Variants in XKR6 observed in about 807,000 individuals in gnomAD.
XKR6 encodes the protein XK-related protein 6.
XKR6 carries 22 observed loss-of-function variants against 56.7 expected under a neutral mutation model. The ratio of observed to expected loss-of-function variants is 0.39; its 90% CI spans 0.28 to 0.55. The LOEUF (loss-of-function observed/expected upper bound fraction) is 0.55, where lower values mean the gene tolerates loss of function less well. XKR6 is among the 20% of genes least tolerant of loss of function. The pLI, the probability that XKR6 is intolerant of heterozygous loss-of-function variation, is 0.66. For synonymous variants in XKR6, 524 were observed against 387.8 expected (o/e 1.35, Z -4.13); for missense variants, 852 against 889.0 (o/e 0.96, Z 0.53).
At chr8:11,113,572 GA>G (rs1169832707) in intron 1 of XKR6, among the ~76,000 whole-genome samples, 4 of 151,624 alleles carry the variant, frequency 2.6e-5, no homozygotes, top group East Asian at 1.9e-4. Flanking sequence ...CTTTAACATA[GA>G]AAAAAAAGTT....
At chr8:11,117,374 A>G (rs1188692138) in intron 1 of XKR6, among the ~76,000 whole-genome samples, 1 of 152,182 alleles carries the variant, frequency 6.6e-6, no homozygotes, top group Non-Finnish European at 1.5e-5. Flanking sequence ...GAGTCCTGCA[A>G]CTTCACATAT....
chr8:10,964,521 A>G (rs1802159235), intron 1 of XKR6, among the ~76,000 whole-genome samples: 1 of 152,160 alleles, frequency 6.6e-6, no homozygotes, highest in African/African-American at 2.4e-5. Flanking sequence ...CACCCAGAGC[A>G]TATTGGGGTC....
rs946483421 is a variant in XKR6 at position 11,160,664 on chromosome 8, C to A, written c.764+39912G>T. Among the ~76,000 whole-genome samples, 3 of 152,248 alleles carry A rather than the reference C, an allele frequency of 2.0e-5. No individual in the cohort carries two copies. In the South Asian group the frequency reaches 6.2e-4, roughly 32 times the overall value. On this transcript the variant is annotated intron_variant, in intron 1 of 2. Transcript: ENST00000416569. ...GTGGCTCACGCCTGTAAACCCAGCA[C>A]TTTGCAAGGCCAAGGCGGGTGGATC...
chr8:11,073,413 G>A (rs774011641), intron 1 of XKR6, among the ~76,000 whole-genome samples: 3 of 152,136 alleles, frequency 2.0e-5, no homozygotes. Context: ...AGGAGAAGAA[G>A]ACCTGTATAT....
intron 1 of XKR6, among the ~76,000 whole-genome samples, chr8:11,076,984 T>C (rs189528387): frequency 4.2e-4 from 64 of 152,206 alleles, no homozygotes; most frequent in Non-Finnish European, 6.2e-4. Context: ...GAGACAAGCC[T>C]AGGAAGCACA....
intron 2 of XKR6, among the ~76,000 whole-genome samples, chr8:10,902,941 G>T (rs1217740421): frequency 2.0e-5 from 3 of 152,112 alleles, no homozygotes; most frequent in Non-Finnish European, 2.9e-5. Context: ...CAAGGCTCTG[G>T]GCACATTTTT....
chr8:11,103,067 CACTA>C (rs1798544400), intron 1 of XKR6, among the ~76,000 whole-genome samples: 1 of 152,170 alleles, frequency 6.6e-6, no homozygotes, highest in Non-Finnish European at 1.5e-5. Context: ...TTATACATAA[CACTA>C]GTGTAAGATG....
chr8:11,098,315 C>A (rs1296140787), intron 1 of XKR6, among the ~76,000 whole-genome samples: 1 of 152,090 alleles, frequency 6.6e-6, no homozygotes, highest in Non-Finnish European at 1.5e-5. Flanking sequence ...AGTTTGAGGA[C>A]TGAGCTGGAG....
intron 1 of XKR6, among the ~76,000 whole-genome samples, chr8:11,116,649 G>A (rs1045310441): frequency 1.3e-5 from 2 of 152,122 alleles, no homozygotes; most frequent in East Asian, 3.9e-4. Flanking sequence ...GGGATTACAG[G>A]CAGGAGCCAC....
At chr8:11,096,963 C>T (rs1293864161) in intron 1 of XKR6, among the ~76,000 whole-genome samples, 1 of 152,220 alleles carries the variant, frequency 6.6e-6, no homozygotes, top group Non-Finnish European at 1.5e-5. Flanking sequence ...ATATGATTTG[C>T]ACATCCTTTG....
chr8:11,063,292 T>A lies in XKR6; in HGVS notation c.764+137284A>T, dbSNP rs939514096. 3.3e-5 allele frequency among the ~76,000 whole-genome samples: 5 copies of A among 149,648 alleles called. No homozygotes were observed. In the East Asian group the frequency reaches 9.8e-4, roughly 29 times the overall value. ...CTAATAAAGAAAAACAAATCAAAGT[T>A]AAAAAAATGTAAAGAAAGAACAAAA... On this transcript the variant is annotated intron_variant, in intron 1 of 2. Coordinates refer to ENST00000416569, the MANE Select transcript of XKR6 (RefSeq NM_173683.4).
chr8:10,935,671 C>T (rs570282785), intron 1 of XKR6, among the ~76,000 whole-genome samples: 9 of 151,686 alleles, frequency 5.9e-5, no homozygotes, highest in Admixed American at 3.3e-4. Context: ...AGTAGTCATT[C>T]AGGAGCACGT....
intron 1 of XKR6, among the ~76,000 whole-genome samples, chr8:10,938,381 G>T (rs990679602): frequency 2.0e-5 from 3 of 152,228 alleles, no homozygotes; most frequent in Admixed American, 1.3e-4. Flanking sequence ...CACGCTGGGA[G>T]CTGTAGAGCG....
intron 1 of XKR6, among the ~76,000 whole-genome samples, chr8:11,141,177 T>G (rs76599049): frequency 0.05 from 7,588 of 152,308 alleles, 270 homozygotes; most frequent in Non-Finnish European, 0.078. Flanking sequence ...CGGAAGCTGG[T>G]AGTACTAGTA....
intron 1 of XKR6, among the ~76,000 whole-genome samples, chr8:10,999,887 A>C (rs1179973580): frequency 6.6e-6 from 1 of 152,228 alleles, no homozygotes; most frequent in East Asian, 1.9e-4. Flanking sequence ...GTTAAGACCA[A>C]CTAGGAGAGC....
intron 1 of XKR6, among the ~76,000 whole-genome samples, chr8:11,097,000 C>A (rs776612154): frequency 6.6e-6 from 1 of 152,156 alleles, no homozygotes; most frequent in Non-Finnish European, 1.5e-5. Flanking sequence ...CGGTGTGCTC[C>A]ATCAATCAAT....
intron 1 of XKR6, among the ~76,000 whole-genome samples, chr8:11,016,030 C>G (rs952903515): frequency 6.6e-6 from 1 of 152,164 alleles, no homozygotes; most frequent in East Asian, 1.9e-4. Context: ...CGGTAACGCC[C>G]CGCACCGTCG....
intron 1 of XKR6, among the ~76,000 whole-genome samples, chr8:11,185,354 A>T (rs2117104245): frequency 6.6e-6 from 1 of 152,338 alleles, no homozygotes; most frequent in East Asian, 1.9e-4. Flanking sequence ...TGTGAACAGA[A>T]ATATGCCACA....
intron 1 of XKR6, chr8:11,108,217 G>A (rs1469967207): frequency 2.2e-6 from 1 of 450,134 alleles, no homozygotes; most frequent in East Asian, 7.0e-5. Flanking sequence ...ACCAAATTCA[G>A]AAATAACCAT....
Sources: allele counts gnomAD v4.1 joint callset (sites outside exome capture counted in the v4.1 genomes callset), GRCh38; gene constraint gnomAD v4.1.1; transcripts MANE v1.5; gene names NCBI Gene and HGNC (gene_info 2026-07-23, HGNC 2026-07-21).